Variants in SND1 observed in about 807,000 individuals in gnomAD.
The protein encoded by SND1 is staphylococcal nuclease and tudor domain containing 1, also known as staphylococcal nuclease domain-containing protein 1.
In SND1, 38 loss-of-function variants were observed where a neutral mutation model predicts 121.7. The observed-to-expected ratio is 0.31, with a 90% CI of 0.24 to 0.41. The LOEUF (loss-of-function observed/expected upper bound fraction) is 0.41. Among genes scored for constraint, SND1 ranks in the 10% least tolerant of loss-of-function variants. The pLI, the probability that SND1 is intolerant of heterozygous loss-of-function variation, is 1.00. For missense variants in SND1, 868 were observed against 1,184.6 expected (o/e 0.73, Z 3.92); for synonymous variants, 401 against 447.4 (o/e 0.90, Z 1.31).
chr7:127,961,334 C>T (rs1328580309), intron 15 of SND1, among the ~76,000 whole-genome samples: 1 of 152,126 alleles, frequency 6.6e-6, no homozygotes, highest in Admixed American at 6.6e-5. Flanking sequence ...ATGGTGTTTA[C>T]TTACATATTT....
At chr7:128,016,170 A>G (rs1399003474) in intron 16 of SND1, among the ~76,000 whole-genome samples, 1 of 139,434 alleles carries the variant, frequency 7.2e-6, no homozygotes. Context: ...TTTTTAAGAG[A>G]CAGAGTCTTG....
intron 12 of SND1, among the ~76,000 whole-genome samples, chr7:127,852,670 G>A (rs1019702958): frequency 2.0e-5 from 3 of 151,978 alleles, no homozygotes; most frequent in African/African-American, 7.2e-5. Context: ...AATTAGCTGG[G>A]TGTGGTGGCG....
chr7:127,989,337 G>A lies in SND1; in HGVS notation c.1670-1610G>A, dbSNP rs535931827. 1.2e-3 allele frequency among the ~76,000 whole-genome samples: 190 copies of A among 152,330 alleles called. 5 individuals carry two copies. In the South Asian group the frequency reaches 0.037, roughly 30 times the overall value. On this transcript the variant is annotated intron_variant, in intron 15 of 23. Coordinates refer to ENST00000354725, the MANE Select transcript of SND1 (RefSeq NM_014390.4). ...GGCCTAGCATTTTATTTGATGTGGT[G>A]TATTCCATTTGTAAGGCCTTGGGGC...
intron 10 of SND1, among the ~76,000 whole-genome samples, chr7:127,790,882 C>A (rs1797895405): frequency 6.6e-6 from 1 of 152,074 alleles, no homozygotes; most frequent in African/African-American, 2.4e-5. Context: ...GCAGGAGAAA[C>A]AACATCAAAA....
At chr7:127,800,500 A>T (rs913146516) in intron 10 of SND1, among the ~76,000 whole-genome samples, 1 of 152,198 alleles carries the variant, frequency 6.6e-6, no homozygotes, top group Non-Finnish European at 1.5e-5. Context: ...TACATTTCTT[A>T]TGAGGAAAAG....
intron 14 of SND1, among the ~76,000 whole-genome samples, chr7:127,928,580 TTTTC>T (rs767123377): frequency 1.3e-5 from 2 of 152,026 alleles, no homozygotes; most frequent in South Asian, 2.1e-4. Flanking sequence ...CTCAACTTTT[TTTTC>T]TTTCTTTCTT....
chr7:127,778,835 C>A (rs1052267359), intron 10 of SND1, among the ~76,000 whole-genome samples: 1 of 152,142 alleles, frequency 6.6e-6, no homozygotes, highest in African/African-American at 2.4e-5. Context: ...TAAGAAGGCA[C>A]CTATAAGGAG....
intron 9 of SND1, among the ~76,000 whole-genome samples, chr7:127,711,280 A>T (rs989314906): frequency 2.6e-5 from 4 of 152,210 alleles, no homozygotes; most frequent in Admixed American, 2.6e-4. Flanking sequence ...TACATTCTCT[A>T]ACTTCATGGC....
chr7:127,663,465 G>A (rs1454824965), intron 1 of SND1, among the ~76,000 whole-genome samples: 1 of 151,220 alleles, frequency 6.6e-6, no homozygotes, highest in Non-Finnish European at 1.5e-5. Context: ...TCCACCTCTC[G>A]GGTTCAAGTG....
chr7:127,967,861 A>G lies in SND1; in HGVS notation c.1670-23086A>G, dbSNP rs115359317. ...AAGCCCTGGCTCGGACCATGATTAA[A>G]TATGCTAAAACTCATCAGGAAGATT... On this transcript the variant is annotated intron_variant, in intron 15 of 23. Transcript: ENST00000354725. Among the ~76,000 whole-genome samples, 768 of 152,332 alleles carry G rather than the reference A, an allele frequency of 5.0e-3. 5 individuals are homozygous for G. Among genetic ancestry groups the G allele is most frequent in the African/African-American group, 0.018 (740 of 41,568 alleles).
intron 15 of SND1, among the ~76,000 whole-genome samples, chr7:127,955,484 C>T (rs184225651): frequency 1.3e-5 from 2 of 152,236 alleles, no homozygotes; most frequent in African/African-American, 4.8e-5. Flanking sequence ...CTACTTCTCT[C>T]CCCCTAGCCA....
chr7:127,806,980 T>C (rs1798250317), intron 10 of SND1, among the ~76,000 whole-genome samples: 1 of 152,168 alleles, frequency 6.6e-6, no homozygotes, highest in South Asian at 2.1e-4. Flanking sequence ...AGAAAAAAAC[T>C]GCTTTGTGTT....
At chr7:127,977,706 C>T (rs1451265785) in intron 15 of SND1, among the ~76,000 whole-genome samples, 1 of 152,166 alleles carries the variant, frequency 6.6e-6, no homozygotes. Flanking sequence ...AGGGCAGGCA[C>T]AGGTAGATCG....
At chr7:128,037,034 G>T (rs1792763256) in intron 16 of SND1, among the ~76,000 whole-genome samples, 1 of 152,200 alleles carries the variant, frequency 6.6e-6, no homozygotes, top group Non-Finnish European at 1.5e-5. Flanking sequence ...TTTTGCAGAT[G>T]AATTTAAGAA....
intron 21 of SND1, among the ~76,000 whole-genome samples, chr7:128,088,050 A>G (rs1391063584): frequency 1.3e-5 from 2 of 152,170 alleles, no homozygotes; most frequent in African/African-American, 2.4e-5. Flanking sequence ...GTGCAAATGA[A>G]GAATAAGCAA....
chr7:127,826,064 G>A (rs555327405), intron 11 of SND1, among the ~76,000 whole-genome samples: 1 of 152,192 alleles, frequency 6.6e-6, no homozygotes, highest in African/African-American at 2.4e-5. Context: ...GGTGGCAGGT[G>A]CCCATAATCC....
At chr7:127,703,452 G>A (rs988224519) in intron 7 of SND1, 129 bp downstream of exon 7, 5 of 1,101,274 alleles carry the variant, frequency 4.5e-6, no homozygotes, top group African/African-American at 1.6e-5. Flanking sequence ...GGTGGCTCAC[G>A]CCTGTAATCC....
intron 16 of SND1, among the ~76,000 whole-genome samples, chr7:128,062,921 G>A (rs1485548742): frequency 2.0e-5 from 3 of 152,186 alleles, no homozygotes; most frequent in Admixed American, 1.3e-4. Context: ...CCAGCACCTG[G>A]CGGGTGACTT....
intron 11 of SND1, among the ~76,000 whole-genome samples, chr7:127,818,948 C>T (rs1798497088): frequency 6.6e-6 from 1 of 152,090 alleles, no homozygotes; most frequent in Admixed American, 6.6e-5. Context: ...GCTGGGGAGG[C>T]TTTTTTAGCT....
Sources: gnomAD v4.1 joint callset for allele counts (sites outside exome capture counted in the v4.1 genomes callset) on GRCh38, gnomAD v4.1.1 for gene constraint, MANE v1.5 for transcripts, NCBI Gene and HGNC (gene_info 2026-07-23, HGNC 2026-07-21) for gene names.